The following LHFPL6 variants were observed in gnomAD, a reference collection of about 807,000 sequenced individuals.
LHFPL6 encodes the protein LHFPL tetraspan subfamily member 6.
LHFPL6 carries 9 observed loss-of-function variants against 20.6 expected under a neutral mutation model. The observed-to-expected ratio is 0.44, with a 90% CI of 0.26 to 0.76. The LOEUF (loss-of-function observed/expected upper bound fraction) is 0.76, where lower values mean the gene tolerates loss of function less well. Ranked by LOEUF, LHFPL6 falls within the 30% of genes least tolerant of loss-of-function variation. LHFPL6 has a pLI of 0.20. For synonymous variants in LHFPL6, 105 were observed against 98.7 expected, an observed-to-expected ratio of 1.06 and a Z score of -0.38; for missense variants, 218 against 253.5, an observed-to-expected ratio of 0.86 and a Z score of 0.95.
At chr13:39,590,190 C>T (rs1381170813) in intron 2 of LHFPL6, among the ~76,000 whole-genome samples, 1 of 152,144 alleles carries the variant, frequency 6.6e-6, no homozygotes, top group Non-Finnish European at 1.5e-5. Flanking sequence ...ACCTGCTTCA[C>T]TGAGGTGAAA....
intron 2 of LHFPL6, among the ~76,000 whole-genome samples, chr13:39,418,847 G>A (rs948827587): frequency 9.2e-5 from 14 of 152,098 alleles, no homozygotes; most frequent in Non-Finnish European, 1.6e-4. Context: ...CAGCCTTGCC[G>A]ACTTTACAGC....
chr13:39,393,094 C>T (rs1197162748), intron 2 of LHFPL6, among the ~76,000 whole-genome samples: 1 of 152,100 alleles, frequency 6.6e-6, no homozygotes, highest in Admixed American at 6.6e-5. Context: ...AAATACGGTG[C>T]CATTTTACAT....
chr13:39,594,248 G>A (rs371023542), intron 2 of LHFPL6, among the ~76,000 whole-genome samples: 8 of 151,976 alleles, frequency 5.3e-5, no homozygotes, highest in South Asian at 2.1e-4. Flanking sequence ...AGAATCTACA[G>A]TGAACTCAAA....
At chr13:39,465,124 C>T (rs1252524901) in intron 2 of LHFPL6, among the ~76,000 whole-genome samples, 2 of 152,154 alleles carry the variant, frequency 1.3e-5, no homozygotes, top group Non-Finnish European at 2.9e-5. Flanking sequence ...AAGATTTGAT[C>T]ACCTGAGAGA....
rs1165870298 is a variant in LHFPL6, at chr13:39,343,277, T to C, written c.*659A>G. On this transcript the variant is annotated 3_prime_UTR_variant, in exon 4 of 4. Coordinates refer to ENST00000379589, the MANE Select transcript of LHFPL6 (RefSeq NM_005780.3). ...TACAAAATACTGATAGTTTGGCTTA[T>C]TGGTCCATTTATTAGGCTTAATGTA... 3 of 217,922 alleles carry C rather than the reference T, an allele frequency of 1.4e-5. No individual in the cohort carries two copies. Among genetic ancestry groups the C allele is most frequent in the South Asian group, 1.9e-4 (1 of 5,392 alleles). The allele number at this position is 217,922 out of a possible 1,614,324, so 13.5% of individuals were successfully genotyped here. A position where few individuals can be genotyped will look rare whatever the true frequency, so the allele number is the denominator to read the frequency against.
intron 2 of LHFPL6, among the ~76,000 whole-genome samples, chr13:39,464,192 A>G (rs1336874328): frequency 2.0e-5 from 3 of 152,210 alleles, no homozygotes; most frequent in African/African-American, 7.2e-5. Context: ...TGATGAGTTA[A>G]AAAAGTCTTC....
At chr13:39,583,792 C>G (rs1294427008) in intron 2 of LHFPL6, among the ~76,000 whole-genome samples, 1 of 152,164 alleles carries the variant, frequency 6.6e-6, no homozygotes, top group Non-Finnish European at 1.5e-5. Context: ...CATCAATATC[C>G]TGAACAAATC....
intron 2 of LHFPL6, among the ~76,000 whole-genome samples, chr13:39,459,194 A>ATATGTG (rs1354270901): frequency 1.9e-4 from 26 of 136,070 alleles, no homozygotes; most frequent in African/African-American, 6.3e-4. Flanking sequence ...AAGTTCCTTA[A>ATATGTG]TGTGTGTGTG....
At chr13:39,556,361 G>C (rs1172664884) in intron 2 of LHFPL6, among the ~76,000 whole-genome samples, 1 of 152,146 alleles carries the variant, frequency 6.6e-6, no homozygotes, top group Non-Finnish European at 1.5e-5. Context: ...CTGGTTAAAT[G>C]GTTGTGACCA....
intron 2 of LHFPL6, among the ~76,000 whole-genome samples, chr13:39,594,652 A>T (rs1872715037): frequency 6.6e-6 from 1 of 152,226 alleles, no homozygotes; most frequent in Non-Finnish European, 1.5e-5. Context: ...ATGCTGCTAT[A>T]AAGACACATG....
At chr13:39,418,177 AT>A (rs1259546264) in intron 2 of LHFPL6, among the ~76,000 whole-genome samples, 1 of 152,186 alleles carries the variant, frequency 6.6e-6, no homozygotes. Context: ...TTACTTACAT[AT>A]TTTATCTTAT....
chr13:39,480,163 C>G (rs1245337369), intron 2 of LHFPL6, among the ~76,000 whole-genome samples: 1 of 152,092 alleles, frequency 6.6e-6, no homozygotes, highest in Non-Finnish European at 1.5e-5. Context: ...AAGGTCTTGT[C>G]TGAGAAAAAC....
intron 2 of LHFPL6, among the ~76,000 whole-genome samples, chr13:39,599,581 A>G (rs901302246): frequency 3.9e-5 from 6 of 152,206 alleles, no homozygotes; most frequent in Non-Finnish European, 8.8e-5. Flanking sequence ...ATGGGAAAAA[A>G]CCCAAATGAG....
At chr13:39,456,684 C>T (rs1872577501) in intron 2 of LHFPL6, among the ~76,000 whole-genome samples, 2 of 152,150 alleles carry the variant, frequency 1.3e-5, no homozygotes, top group African/African-American at 2.4e-5. Context: ...ACAAAAGAAC[C>T]TCAGACTGCA....
chr13:39,559,138 C>T (rs1046074984), intron 2 of LHFPL6, among the ~76,000 whole-genome samples: 5 of 152,146 alleles, frequency 3.3e-5, no homozygotes, highest in African/African-American at 7.2e-5. Context: ...TCTCACTGAC[C>T]GCCAAGAGTC....
intron 2 of LHFPL6, among the ~76,000 whole-genome samples, chr13:39,562,425 T>TATATACATATATACATATAC (rs1566142002): frequency 1.5e-4 from 15 of 99,012 alleles, no homozygotes; most frequent in East Asian, 3.7e-4. Context: ...CACATATACA[T>TATATACATATATACATATAC]ATATACATAT....
chr13:39,357,217 C>A (rs903050795), intron 3 of LHFPL6, among the ~76,000 whole-genome samples: 3 of 151,972 alleles, frequency 2.0e-5, no homozygotes, highest in Non-Finnish European at 2.9e-5. Context: ...AAGTAAAAAG[C>A]TACCAATCAA....
chr13:39,569,148 T>TGGATGGATGGACGGACGGAC (rs71080313), intron 2 of LHFPL6, among the ~76,000 whole-genome samples: 20 of 144,502 alleles, frequency 1.4e-4, no homozygotes, highest in Admixed American at 2.8e-4. Context: ...GATGGATGGA[T>TGGATGGATGGACGGACGGAC]GGACGGACGG....
At position 39,573,227 on chromosome 13, in the gene LHFPL6, T is replaced by G. The variant is rs147436306; in HGVS notation, c.385+27605A>C. 2.1e-3 allele frequency among the ~76,000 whole-genome samples: 318 copies of G among 152,300 alleles called. 2 individuals are homozygous for G. The highest frequency in any genetic ancestry group is 6.9e-3 in the African/African-American group (287 of 41,566). On this transcript the variant is annotated intron_variant, in intron 2 of 3. Coordinates refer to ENST00000379589, the MANE Select transcript of LHFPL6 (RefSeq NM_005780.3). ...AAAATGTGGAATAGAGATTCATTCT[T>G]GCCTAAATACTCCTATTTCTACTAA...
Sources: gnomAD v4.1 joint callset for allele counts (sites outside exome capture counted in the v4.1 genomes callset) on GRCh38, gnomAD v4.1.1 for gene constraint, MANE v1.5 for transcripts, NCBI Gene and HGNC (gene_info 2026-07-23, HGNC 2026-07-21) for gene names.